The following CYFIP2 variants were observed in gnomAD, a reference collection of about 807,000 sequenced individuals.
CYFIP2 encodes cytoplasmic FMR1 interacting protein 2, also known as cytoplasmic FMR1-interacting protein 2.
A neutral mutation model predicts 158.7 loss-of-function variants in CYFIP2; 29 were observed. The observed-to-expected ratio is 0.18, with a 90% CI of 0.14 to 0.25. CYFIP2 has a LOEUF of 0.25. CYFIP2 is among the 10% of genes least tolerant of loss of function. The probability of loss-of-function intolerance (pLI) is 1.00; values close to 1 mark genes in which losing one functional copy is unlikely to be tolerated. For missense variants in CYFIP2, 852 were observed against 1,639.5 expected (o/e 0.52, Z 8.29); for synonymous variants, 585 against 617.6 (o/e 0.95, Z 0.78).
At chr5:157,379,668 CAA>C (rs70984468) in intron 26 of CYFIP2, among the ~76,000 whole-genome samples, 6,790 of 73,246 alleles carry the variant, frequency 0.093, 137 homozygotes, top group South Asian at 0.24. Flanking sequence ...GACCCTGTCT[CAA>C]AAAAAAAAAA....
intron 5 of CYFIP2, among the ~76,000 whole-genome samples, chr5:157,297,785 A>G (rs1758374563): frequency 6.6e-6 from 1 of 152,266 alleles, no homozygotes; most frequent in Non-Finnish European, 1.5e-5. Context: ...AAAAATAAAA[A>G]TAAGTAAAAA....
At chr5:157,270,759 C>G (rs1756026056) in intron 1 of CYFIP2, among the ~76,000 whole-genome samples, 1 of 152,122 alleles carries the variant, frequency 6.6e-6, no homozygotes, top group Non-Finnish European at 1.5e-5. Flanking sequence ...ACAAGGCAGC[C>G]TTGGATATGG....
chr5:157,391,102 G>A (rs955617360), intron 30 of CYFIP2, among the ~76,000 whole-genome samples: 7 of 152,030 alleles, frequency 4.6e-5, no homozygotes, highest in South Asian at 2.1e-4. Context: ...GGAGAGGGAG[G>A]CTGTGTCTGG....
intron 9 of CYFIP2, 63 bp downstream of exon 9, chr5:157,307,928 G>A: frequency 1.1e-6 from 1 of 925,794 alleles, no homozygotes; most frequent in African/African-American, 1.6e-5. Context: ...ATGTCTTTGG[G>A]GGAAAGGGAT....
At chr5:157,341,489 C>A in intron 23 of CYFIP2, 1 of 307,134 alleles carries the variant, frequency 3.3e-6, no homozygotes, top group Non-Finnish European at 6.2e-6. Flanking sequence ...GAGTGTTATG[C>A]TGCAGTGAGC....
chr5:157,327,381 ATGG>A (rs1761106511), intron 18 of CYFIP2, among the ~76,000 whole-genome samples: 2 of 151,964 alleles, frequency 1.3e-5, no homozygotes, highest in South Asian at 4.2e-4. Flanking sequence ...CCTGGCCAAC[ATGG>A]TGAAACCCCG....
intron 1 of CYFIP2, among the ~76,000 whole-genome samples, chr5:157,271,762 C>T (rs1425158581): frequency 6.6e-6 from 1 of 152,148 alleles, no homozygotes; most frequent in African/African-American, 2.4e-5. Context: ...GAGCCATGTT[C>T]GAGTTGTGGT....
intron 23 of CYFIP2, chr5:157,342,138 A>T (rs747784714): frequency 6.6e-6 from 1 of 152,650 alleles, no homozygotes; most frequent in Non-Finnish European, 1.5e-5. Flanking sequence ...ATAGAAGCTA[A>T]GTCAGATTAT....
At chr5:157,382,045 C>T (rs1259110336) in intron 26 of CYFIP2, among the ~76,000 whole-genome samples, 1 of 152,204 alleles carries the variant, frequency 6.6e-6, no homozygotes, top group African/African-American at 2.4e-5. Flanking sequence ...TATCTTTGCA[C>T]ATAACAAATA....
chr5:157,306,455 C>T (rs1759229888), intron 8 of CYFIP2, among the ~76,000 whole-genome samples: 1 of 152,206 alleles, frequency 6.6e-6, no homozygotes, highest in Non-Finnish European at 1.5e-5. Flanking sequence ...CTGCCTTCTT[C>T]CCTCTCTGTT....
At chr5:157,350,304 G>A (rs1202785968) in intron 23 of CYFIP2, among the ~76,000 whole-genome samples, 1 of 152,180 alleles carries the variant, frequency 6.6e-6, no homozygotes, top group Non-Finnish European at 1.5e-5. Context: ...TTTGTATAAG[G>A]TGAGAGATGA....
intron 26 of CYFIP2, chr5:157,364,204 C>CCG (rs1286074420): frequency 2.6e-5 from 1 of 38,306 alleles, no homozygotes; most frequent in African/African-American, 9.9e-5. Flanking sequence ...GGCGGGGTGG[C>CCG]GGGGGGGGGT....
At chr5:157,328,500 G>A (rs73815835) in intron 19 of CYFIP2, among the ~76,000 whole-genome samples, 1,552 of 152,338 alleles carry the variant, frequency 0.01, 35 homozygotes, top group African/African-American at 0.035. Flanking sequence ...AGGACCCTGC[G>A]GTGGGAGTAT....
At chr5:157,377,979 TA>T (rs1291080559) in intron 26 of CYFIP2, among the ~76,000 whole-genome samples, 2 of 152,176 alleles carry the variant, frequency 1.3e-5, no homozygotes, top group Non-Finnish European at 2.9e-5. Flanking sequence ...CCTGAATGAA[TA>T]AAAGCTCTGG....
chr5:157,369,373 A>G (rs1442655830), intron 26 of CYFIP2, among the ~76,000 whole-genome samples: 1 of 152,202 alleles, frequency 6.6e-6, no homozygotes, highest in East Asian at 1.9e-4. Flanking sequence ...ACAAGAACTG[A>G]TCCATAGAAA....
At chr5:157,359,363 GCTC>G (rs1475649981) in intron 24 of CYFIP2, among the ~76,000 whole-genome samples, 3 of 152,188 alleles carry the variant, frequency 2.0e-5, no homozygotes, top group East Asian at 1.9e-4. Context: ...CTATAGCTGT[GCTC>G]CTCATTTTCT....
chr5:157,377,756 A>G (rs1309630287), intron 26 of CYFIP2, among the ~76,000 whole-genome samples: 2 of 152,248 alleles, frequency 1.3e-5, no homozygotes, highest in Non-Finnish European at 2.9e-5. Context: ...TATTATACAC[A>G]TGTTCTCTGT....
At chr5:157,316,383 C>A (rs1237460185) in intron 13 of CYFIP2, among the ~76,000 whole-genome samples, 3 of 152,080 alleles carry the variant, frequency 2.0e-5, no homozygotes, top group Admixed American at 2.0e-4. Flanking sequence ...TAAAATGATT[C>A]CACTTATACC....
chr5:157,292,468 C>T (rs1188467674), intron 3 of CYFIP2, among the ~76,000 whole-genome samples: 1 of 152,206 alleles, frequency 6.6e-6, no homozygotes, highest in Non-Finnish European at 1.5e-5. Flanking sequence ...ATCCACCTGC[C>T]TCGGCCTCCC....
Sources: gnomAD v4.1 joint callset for allele counts (sites outside exome capture counted in the v4.1 genomes callset) on GRCh38, gnomAD v4.1.1 for gene constraint, MANE v1.5 for transcripts, NCBI Gene and HGNC (gene_info 2026-07-23, HGNC 2026-07-21) for gene names.